The following RPL5 variants were observed in gnomAD, a reference collection of about 807,000 sequenced individuals.
The protein encoded by RPL5 is ribosomal protein L5.
Under a neutral mutation model 38.4 loss-of-function variants are expected in RPL5, and 1 was observed. The ratio of observed to expected loss-of-function variants is 0.03; its 90% CI spans 0.01 to 0.12. RPL5 has a LOEUF of 0.12. Ranked by LOEUF, RPL5 falls within the 10% of genes least tolerant of loss-of-function variation. The pLI is 1.00. For missense variants in RPL5, 243 were observed against 374.1 expected (o/e 0.65, Z 2.89); for synonymous variants, 109 against 121.2 (o/e 0.90, Z 0.66).
intron 4 of RPL5, 156 bp downstream of exon 4, chr1:92,835,069 G>A: frequency 9.4e-7 from 1 of 1,060,080 alleles, no homozygotes; most frequent in Non-Finnish European, 1.4e-6. Context: ...ATCTAGGTCA[G>A]CTCTTTCCAA....
At chr1:92,837,066 A>AG (rs1687158942) in intron 5 of RPL5, 31 of 327,270 alleles carry the variant, frequency 9.5e-5, no homozygotes, top group South Asian at 8.1e-4. Context: ...AAGTACACCA[A>AG]GAGCATTCTC....
chr1:92,840,819 T>C, intron 7 of RPL5, 180 bp downstream of exon 7: 1 of 720,220 alleles, frequency 1.4e-6, no homozygotes, highest in East Asian at 2.6e-5. Context: ...CCTCAGACAC[T>C]ACTGAGGTGG....
At chr1:92,841,586 T>C (rs1180156120) in intron 7 of RPL5, among the ~76,000 whole-genome samples, 180 bp from the exon 8 acceptor site, 3 of 152,098 alleles carry the variant, frequency 2.0e-5, no homozygotes, top group Non-Finnish European at 4.4e-5. Context: ...GAAGTTGGGG[T>C]TTGGGAAAGT....
At chr1:92,840,311 C>A in intron 6 of RPL5, 1 of 456,464 alleles carries the variant, frequency 2.2e-6, no homozygotes. Context: ...CACACCTGGC[C>A]TGATTTTTTT....
intron 5 of RPL5, chr1:92,836,594 T>C: frequency 3.4e-6 from 2 of 586,406 alleles, no homozygotes; most frequent in Non-Finnish European, 6.0e-6. Flanking sequence ...CCCAGAGTTA[T>C]TTGTCCCAAG....
At position 92,837,854 on chromosome 1, in the gene RPL5, A is replaced by G. The variant is rs534885982; in HGVS notation, c.705+221A>G. 6.1e-5 allele frequency: 34 copies of G among 555,356 alleles called. 1 individual carries two copies. The South Asian group carries it at 6.7e-4, about 11-fold the overall frequency. The allele number at this position is 555,356 out of a possible 1,614,324, so 34.4% of individuals were successfully genotyped here. On this transcript the variant is annotated intron_variant, in intron 6 of 7. Coordinates refer to ENST00000370321, the MANE Select transcript of RPL5 (RefSeq NM_000969.5). ...TATGCTTTGGCTGTTCTGTATTTGT[A>G]GATGTCATTTCTGTAATCATAGTTG...
chr1:92,840,129 C>T (rs1004449036), intron 6 of RPL5: 11 of 224,574 alleles, frequency 4.9e-5, no homozygotes, highest in Admixed American at 1.6e-4. Flanking sequence ...ACGTGTAGTC[C>T]TGTAGCTGGG....
chr1:92,840,832 C>CT, intron 7 of RPL5, 193 bp downstream of exon 7: 1 of 707,252 alleles, frequency 1.4e-6, no homozygotes, highest in South Asian at 1.4e-5. Flanking sequence ...TGAGGTGGTT[C>CT]TTTCTATCCT....
At chr1:92,840,695 G>A (rs373533532) in intron 7 of RPL5, 56 bp downstream of exon 7, 344 of 1,251,060 alleles carry the variant, frequency 2.7e-4, no homozygotes, top group African/African-American at 2.0e-3. Context: ...TGGTTCCCAC[G>A]TGGGGCAGAC....
At chr1:92,832,459 G>C (rs1012292645) in intron 1 of RPL5, among the ~76,000 whole-genome samples, 8 of 152,220 alleles carry the variant, frequency 5.3e-5, no homozygotes, top group Admixed American at 3.9e-4. Flanking sequence ...GTCGACCTCA[G>C]CCTAGCTGGG....
At chr1:92,833,496 T>C in intron 2 of RPL5, 38 bp downstream of exon 2, 1 of 1,606,682 alleles carries the variant, frequency 6.2e-7, no homozygotes, top group Non-Finnish European at 8.5e-7. Flanking sequence ...ATTAATCTGC[T>C]TTGCAGATGC....
intron 6 of RPL5, 87 bp downstream of exon 6, chr1:92,837,720 A>G (rs766269156): frequency 8.1e-5 from 87 of 1,073,802 alleles, no homozygotes; most frequent in Non-Finnish European, 1.1e-4. Flanking sequence ...ACATTCTTAT[A>G]TAGGTGTGTT....
chr1:92,836,861 AGGT>A (rs1687152486), intron 5 of RPL5: 1 of 206,782 alleles, frequency 4.8e-6, no homozygotes, highest in South Asian at 7.5e-5. Flanking sequence ...GAAGTTAAGT[AGGT>A]TAATTTGTAG....
At chr1:92,837,354 T>TA (rs1177660255) in intron 5 of RPL5, 102 bp from the exon 6 acceptor site, 1 of 997,464 alleles carries the variant, frequency 1.0e-6, no homozygotes, top group Admixed American at 1.7e-5. Flanking sequence ...TATGATGCGA[T>TA]AATTGTTTCA....
chr1:92,836,228 C>T lies in RPL5; in HGVS notation c.363C>T (p.Gly121=). 1 of 1,613,040 alleles carries T rather than the reference C, an allele frequency of 6.2e-7. No homozygotes were observed. The highest frequency in any genetic ancestry group is 8.5e-7 in the Non-Finnish European group (1 of 1,179,898). The change falls in exon 5 of 8, where the codon GGC becomes GGT. Residue 121 remains glycine (G), a synonymous_variant. Transcript: ENST00000370321. ...NRFGMDKIYE[G]QVEVTGDEYN... The stretch of plus-strand genomic sequence containing the variant: ...TTGGCATGGACAAGATCTATGAAGG[C>T]CAAGTGGAGGTGACTGGTGATGAAT...
chr1:92,837,178 G>A (rs1359005792), intron 5 of RPL5: 1 of 573,368 alleles, frequency 1.7e-6, no homozygotes, highest in South Asian at 1.6e-5. Flanking sequence ...ACTCCTTCCT[G>A]TGCTGATGTG....
At chr1:92,833,061 A>C (rs763178068) in intron 1 of RPL5, 1 of 728,014 alleles carries the variant, frequency 1.4e-6, no homozygotes, top group South Asian at 1.4e-5. Flanking sequence ...TGGAAATTGA[A>C]AGCGTTTAAA....
Position 92,834,405 on chromosome 1 carries a change from A to G in RPL5, c.190-374A>G, listed in dbSNP as rs532519265. Among the ~76,000 whole-genome samples the G allele has an allele frequency of 5.9e-5, 9 of 152,326 alleles. No individual in the cohort carries two copies. In the South Asian group the frequency reaches 1.9e-3, roughly 32 times the overall value. ...GCTAGAATCCTGGGCTTTTACAACT[A>G]GGAGAAATTCTGAGAGTTAAGATTT... On this transcript the variant is annotated intron_variant, in intron 3 of 7. Transcript: ENST00000370321.
intron 7 of RPL5, chr1:92,840,851 C>CT (rs745713260): frequency 4.4e-6 from 3 of 682,578 alleles, no homozygotes; most frequent in African/African-American, 1.7e-5. Context: ...CTAGTACAGT[C>CT]TAAGTACTGG....
Sources: gnomAD v4.1 joint callset for allele counts (sites outside exome capture counted in the v4.1 genomes callset) on GRCh38, gnomAD v4.1.1 for gene constraint, MANE v1.5 for transcripts, NCBI Gene and HGNC (gene_info 2026-07-23, HGNC 2026-07-21) for gene names.